GUCY1A2: variants seen among roughly 807,000 people sequenced by gnomAD.
GUCY1A2 encodes guanylate cyclase 1 soluble subunit alpha 2, also known as guanylate cyclase soluble subunit alpha-2.
In GUCY1A2, 27 loss-of-function variants were observed where a neutral mutation model predicts 63.5. The ratio of observed to expected loss-of-function variants is 0.43; its 90% CI spans 0.31 to 0.59. The LOEUF is 0.59. Among genes scored for constraint, GUCY1A2 ranks in the 20% least tolerant of loss-of-function variants. The probability of loss-of-function intolerance (pLI) is 0.11; values close to 1 mark genes in which losing one functional copy is unlikely to be tolerated. For synonymous variants in GUCY1A2, 364 were observed against 343.5 expected, an observed-to-expected ratio of 1.06 and a Z score of -0.66; for missense variants, 768 against 913.3, an observed-to-expected ratio of 0.84 and a Z score of 2.05.
At chr11:106,816,277 G>A (rs560664199) in intron 4 of GUCY1A2, among the ~76,000 whole-genome samples, 3 of 149,796 alleles carry the variant, frequency 2.0e-5, no homozygotes, top group South Asian at 4.2e-4. Context: ...ATTGTACAGA[G>A]TATGTTAACT....
At chr11:106,863,022 A>T (rs1039870457) in intron 4 of GUCY1A2, among the ~76,000 whole-genome samples, 7 of 152,074 alleles carry the variant, frequency 4.6e-5, no homozygotes, top group African/African-American at 1.7e-4. Context: ...GTCTCTGACT[A>T]TGCTGCCCCC....
intron 5 of GUCY1A2, among the ~76,000 whole-genome samples, chr11:106,790,914 T>C (rs1287256319): frequency 1.3e-5 from 2 of 152,114 alleles, no homozygotes; most frequent in African/African-American, 2.4e-5. Context: ...AAGGAAGAAG[T>C]CTCTTTTGGA....
chr11:106,818,745 G>A (rs1055924235), intron 4 of GUCY1A2, among the ~76,000 whole-genome samples: 2 of 152,116 alleles, frequency 1.3e-5, no homozygotes, highest in African/African-American at 2.4e-5. Context: ...TTTAAAAAAT[G>A]CTACTCCGGT....
intron 4 of GUCY1A2, among the ~76,000 whole-genome samples, chr11:106,834,118 C>A (rs1025239790): frequency 6.6e-6 from 1 of 151,862 alleles, no homozygotes; most frequent in African/African-American, 2.4e-5. Context: ...ATATATAGTA[C>A]ATTAACTATA....
At chr11:106,767,979 G>C (rs1420930413) in intron 6 of GUCY1A2, among the ~76,000 whole-genome samples, 1 of 152,022 alleles carries the variant, frequency 6.6e-6, no homozygotes, top group Non-Finnish European at 1.5e-5. Context: ...TAAATATGTA[G>C]CTTCTGCATT....
At chr11:106,914,323 T>G (rs1353875059) in intron 4 of GUCY1A2, among the ~76,000 whole-genome samples, 1 of 152,054 alleles carries the variant, frequency 6.6e-6, no homozygotes, top group Non-Finnish European at 1.5e-5. Context: ...TGTACATAAT[T>G]AATGTGAAAG....
chr11:106,754,397 A>G (rs932782652), intron 6 of GUCY1A2, among the ~76,000 whole-genome samples: 3 of 152,122 alleles, frequency 2.0e-5, no homozygotes, highest in Non-Finnish European at 4.4e-5. Context: ...ACTATATTGA[A>G]TAGGAGTGGT....
intron 4 of GUCY1A2, among the ~76,000 whole-genome samples, chr11:106,902,741 T>C (rs1004980498): frequency 1.3e-5 from 2 of 152,238 alleles, no homozygotes; most frequent in African/African-American, 2.4e-5. Context: ...GTACTGAACA[T>C]GTACAGACTA....
chr11:106,743,580 G>A (rs990821169), intron 6 of GUCY1A2, among the ~76,000 whole-genome samples: 19 of 152,118 alleles, frequency 1.2e-4, no homozygotes, highest in African/African-American at 4.1e-4. Context: ...TAACGAACTC[G>A]TGGTTTCCAT....
intron 1 of GUCY1A2, among the ~76,000 whole-genome samples, chr11:107,005,754 C>T (rs942437390): frequency 1.3e-5 from 2 of 152,050 alleles, no homozygotes; most frequent in Middle Eastern, 3.2e-3. Flanking sequence ...CTGGTAAGAT[C>T]GCATTTGTTT....
intron 7 of GUCY1A2, among the ~76,000 whole-genome samples, chr11:106,694,536 C>G (rs1049452849): frequency 6.6e-5 from 10 of 152,150 alleles, no homozygotes; most frequent in Non-Finnish European, 1.5e-4. Context: ...TGGCAACTGA[C>G]CATTAACAGT....
At chr11:106,986,487 T>C (rs1205541205) in intron 1 of GUCY1A2, among the ~76,000 whole-genome samples, 2 of 152,184 alleles carry the variant, frequency 1.3e-5, no homozygotes, top group Admixed American at 1.3e-4. Flanking sequence ...GTCACGGTTT[T>C]TCCTTTCCAG....
chr11:106,973,557 C>T (rs1280343169), intron 3 of GUCY1A2, among the ~76,000 whole-genome samples: 2 of 151,918 alleles, frequency 1.3e-5, no homozygotes, highest in Admixed American at 6.6e-5. Context: ...GACATCATGA[C>T]GATTCTAAGA....
At chr11:106,849,391 C>G (rs1349808852) in intron 4 of GUCY1A2, among the ~76,000 whole-genome samples, 2 of 150,082 alleles carry the variant, frequency 1.3e-5, no homozygotes, top group East Asian at 3.9e-4. Flanking sequence ...TAACTTTATA[C>G]AAGCCTGCAT....
intron 4 of GUCY1A2, among the ~76,000 whole-genome samples, chr11:106,882,623 G>A (rs1481768047): frequency 6.6e-6 from 1 of 152,006 alleles, no homozygotes; most frequent in Non-Finnish European, 1.5e-5. Flanking sequence ...TAATCCATAA[G>A]AGAAGCTATC....
chr11:106,985,954 T>C (rs1861395055), intron 2 of GUCY1A2, 116 bp downstream of exon 2: 2 of 702,900 alleles, frequency 2.8e-6, no homozygotes, highest in Non-Finnish European at 5.2e-6. Context: ...TATGAAAACA[T>C]AGCCACTATA....
intron 5 of GUCY1A2, among the ~76,000 whole-genome samples, chr11:106,805,427 G>C (rs2135421463): frequency 6.6e-6 from 1 of 152,076 alleles, no homozygotes; most frequent in East Asian, 1.9e-4. Flanking sequence ...TGTATTTTTA[G>C]TAGAGACAGC....
chr11:106,936,698 G>T, intron 4 of GUCY1A2: 1 of 1,522,718 alleles, frequency 6.6e-7, no homozygotes, highest in Non-Finnish European at 8.8e-7. Flanking sequence ...GATGCCCCTC[G>T]GTGACATGCT....
At chr11:106,838,604 C>T (rs1188635452) in intron 4 of GUCY1A2, among the ~76,000 whole-genome samples, 1 of 151,934 alleles carries the variant, frequency 6.6e-6, no homozygotes, top group Non-Finnish European at 1.5e-5. Flanking sequence ...AATAATCCCA[C>T]ATTTGGCAAG....
Sources: gnomAD v4.1 joint callset for allele counts (sites outside exome capture counted in the v4.1 genomes callset) on GRCh38, gnomAD v4.1.1 for gene constraint, MANE v1.5 for transcripts, NCBI Gene and HGNC (gene_info 2026-07-23, HGNC 2026-07-21) for gene names.